FMN2: variants seen among roughly 807,000 people sequenced by gnomAD.
The protein encoded by FMN2 is formin 2.
In FMN2, 51 loss-of-function variants were observed where a neutral mutation model predicts 142.3. That is an observed-to-expected ratio of 0.36 (90% CI 0.29 to 0.45). The LOEUF is 0.45. Ranked by LOEUF, FMN2 falls within the 20% of genes least tolerant of loss-of-function variation. The pLI, the probability that FMN2 is intolerant of heterozygous loss-of-function variation, is 1.00. For synonymous variants in FMN2, 882 were observed against 869.8 expected, an observed-to-expected ratio of 1.01 and a Z score of -0.25; for missense variants, 1,936 against 2,122.8, an observed-to-expected ratio of 0.91 and a Z score of 1.73.
intron 2 of FMN2, among the ~76,000 whole-genome samples, chr1:240,162,949 A>T (rs942252391): frequency 6.6e-6 from 1 of 152,206 alleles, no homozygotes; most frequent in Non-Finnish European, 1.5e-5. Context: ...TATTTATATT[A>T]TCCTTCATTT....
At chr1:240,301,834 A>G (rs1341395314) in intron 8 of FMN2, among the ~76,000 whole-genome samples, 1 of 151,940 alleles carries the variant, frequency 6.6e-6, no homozygotes, top group Non-Finnish European at 1.5e-5. Context: ...TTGTAATATA[A>G]GTAGGCATGG....
At chr1:240,216,926 G>A (rs1279965051) in intron 6 of FMN2, among the ~76,000 whole-genome samples, 3 of 151,322 alleles carry the variant, frequency 2.0e-5, no homozygotes, top group Non-Finnish European at 2.9e-5. Context: ...TCCAGCCTGG[G>A]CAACAGAGCG....
intron 2 of FMN2, among the ~76,000 whole-genome samples, chr1:240,159,096 A>T (rs904881293): frequency 6.6e-6 from 1 of 152,150 alleles, no homozygotes; most frequent in Non-Finnish European, 1.5e-5. Flanking sequence ...TGATGATAGA[A>T]TAGTCTCATG....
intron 8 of FMN2, among the ~76,000 whole-genome samples, chr1:240,303,833 C>A (rs985128452): frequency 1.3e-5 from 2 of 152,072 alleles, no homozygotes; most frequent in African/African-American, 4.8e-5. Flanking sequence ...CTTCCTGAGG[C>A]TGTCTTCACT....
chr1:240,153,863 T>C (rs983827656), intron 2 of FMN2, among the ~76,000 whole-genome samples: 1 of 151,944 alleles, frequency 6.6e-6, no homozygotes, highest in Non-Finnish European at 1.5e-5. Flanking sequence ...ACACATGTAA[T>C]CCTAGCATTT....
intron 6 of FMN2, among the ~76,000 whole-genome samples, chr1:240,238,812 G>C (rs189121317): frequency 3.3e-5 from 5 of 152,228 alleles, no homozygotes; most frequent in Admixed American, 2.6e-4. Context: ...ATACACGGTG[G>C]AATAGTAACA....
At chr1:240,247,457 G>A (rs745559610) in intron 6 of FMN2, among the ~76,000 whole-genome samples, 15 of 150,908 alleles carry the variant, frequency 9.9e-5, no homozygotes, top group Non-Finnish European at 1.9e-4. Flanking sequence ...AGCTGAGATC[G>A]TGCCATTGCA....
chr1:240,097,441 C>T (rs1335284208), intron 1 of FMN2, among the ~76,000 whole-genome samples: 12 of 151,736 alleles, frequency 7.9e-5, no homozygotes, highest in African/African-American at 2.4e-4. Context: ...CTGCAAGCTC[C>T]GCCTCCTGAG....
In FMN2 at chr1:240,255,988, A is replaced by C. The variant is rs555587614; in HGVS notation, c.4066-1957A>C. Among the ~76,000 whole-genome samples, 61 of 152,346 alleles carry C rather than the reference A, an allele frequency of 4.0e-4. 1 individual carries two copies. In the Middle Eastern group the frequency reaches 0.01, roughly 25 times the overall value. On this transcript the variant is annotated intron_variant, in intron 6 of 17. Transcript: ENST00000319653. ...TCATCTTCAAAAGAACTGAGAAGAAATGTTAGGAGCCCTGGAAGAGAAGTT... is the reference window on the plus strand; with the variant it reads ...TCATCTTCAAAAGAACTGAGAAGAACTGTTAGGAGCCCTGGAAGAGAAGTT...
At chr1:240,148,776 C>T (rs1485656932) in intron 2 of FMN2, among the ~76,000 whole-genome samples, 2 of 151,964 alleles carry the variant, frequency 1.3e-5, no homozygotes, top group Non-Finnish European at 1.5e-5. Context: ...GTCAGGAGAT[C>T]GAGACCATCC....
At chr1:240,435,560 ATTTGT>A (rs1245431270) in intron 15 of FMN2, among the ~76,000 whole-genome samples, 7 of 152,088 alleles carry the variant, frequency 4.6e-5, no homozygotes, top group African/African-American at 1.7e-4. Flanking sequence ...TATAAAATAC[ATTTGT>A]TTTGTGTTGA....
intron 2 of FMN2, among the ~76,000 whole-genome samples, chr1:240,137,026 C>T (rs986687726): frequency 1.3e-4 from 18 of 141,192 alleles, no homozygotes; most frequent in East Asian, 4.3e-4. Context: ...GCCGAGATCG[C>T]GCTACTGCAC....
chr1:240,261,017 C>T (rs964689569), intron 7 of FMN2, among the ~76,000 whole-genome samples: 3 of 152,122 alleles, frequency 2.0e-5, no homozygotes, highest in Non-Finnish European at 4.4e-5. Context: ...GTGTCCCTTC[C>T]TCACTTTATG....
At chr1:240,143,423 C>T in intron 2 of FMN2, 3 of 1,424,922 alleles carry the variant, frequency 2.1e-6, no homozygotes, top group Non-Finnish European at 3.0e-6. Context: ...ATCCCCAGAA[C>T]AGCCACTCCC....
intron 15 of FMN2, among the ~76,000 whole-genome samples, chr1:240,430,026 C>T (rs905425865): frequency 7.2e-5 from 11 of 151,904 alleles, no homozygotes; most frequent in Admixed American, 2.0e-4. Context: ...GCTGGGACTA[C>T]AGGCGCCCAC....
intron 6 of FMN2, among the ~76,000 whole-genome samples, chr1:240,254,507 G>A (rs1453463157): frequency 1.3e-5 from 2 of 152,086 alleles, no homozygotes; most frequent in Admixed American, 6.5e-5. Context: ...GGTGGTACGT[G>A]TGGGTGCTGG....
chr1:240,341,274 A>G (rs1056004299), intron 13 of FMN2: 2 of 152,196 alleles, frequency 1.3e-5, no homozygotes, highest in African/African-American at 4.8e-5. Flanking sequence ...GTAAAAATAT[A>G]TTAAAGTCCT....
chr1:240,285,701 A>T (rs185265824), intron 7 of FMN2, among the ~76,000 whole-genome samples: 271 of 152,268 alleles, frequency 1.8e-3, no homozygotes, highest in Non-Finnish European at 3.1e-3. Context: ...GAAGGAATTT[A>T]TAACTGTGTC....
Position 240,191,770 on chromosome 1 carries a change from A to G in FMN2, c.1986+3508A>G, listed in dbSNP as rs202018990. Among the ~76,000 whole-genome samples the G allele has an allele frequency of 1.6e-4, 24 of 152,288 alleles. No individual in the cohort carries two copies. The East Asian group carries it at 3.7e-3, about 23-fold the overall frequency. On this transcript the variant is annotated intron_variant, in intron 4 of 17. Transcript: ENST00000319653. The stretch of plus-strand genomic sequence containing the variant: ...TTTTGCTTTTGAAATTATATATACA[A>G]TTTTTGTTTCAAAGCATTTTTCTAA...
Sources: gnomAD v4.1 joint callset for allele counts (sites outside exome capture counted in the v4.1 genomes callset) on GRCh38, gnomAD v4.1.1 for gene constraint, MANE v1.5 for transcripts, NCBI Gene and HGNC (gene_info 2026-07-23, HGNC 2026-07-21) for gene names.